Variants in WWOX observed in about 807,000 individuals in gnomAD.
WWOX encodes WW domain containing oxidoreductase, also known as WW domain-containing oxidoreductase.
In WWOX, 69 loss-of-function variants were observed where a neutral mutation model predicts 46.2. That is an observed-to-expected ratio of 1.49 (90% CI 1.23 to 1.82). The LOEUF (loss-of-function observed/expected upper bound fraction) is 1.82. Among genes scored for constraint, WWOX ranks in the 40% most tolerant of loss-of-function variants. The pLI is 0.00. For synonymous variants in WWOX, 359 were observed against 202.6 expected (o/e 1.77, Z -6.56); for missense variants, 919 against 542.6 (o/e 1.69, Z -6.89).
intron 6 of WWOX, among the ~76,000 whole-genome samples, chr16:78,418,867 C>T (rs917948064): frequency 3.3e-5 from 5 of 151,878 alleles, no homozygotes; most frequent in Admixed American, 2.6e-4. Context: ...GAGTACCGTC[C>T]CCTTAGGATC....
chr16:78,987,446 TC>T (rs1295001660), intron 8 of WWOX, among the ~76,000 whole-genome samples: 4 of 152,374 alleles, frequency 2.6e-5, no homozygotes, highest in Non-Finnish European at 4.4e-5. Flanking sequence ...TGTCCTTTTT[TC>T]TTTTTTCTAG....
rs927341847 is a variant in WWOX at position 79,050,504 on chromosome 16, C to T, written c.1057-161104C>T. ...ATTCCTCTGTCACACACTGATGCCC[C>T]AAATAAATCACATGGCTGAGCTCAC... On this transcript the variant is annotated intron_variant, in intron 8 of 8. Coordinates refer to ENST00000566780, the MANE Select transcript of WWOX (RefSeq NM_016373.4). Among the ~76,000 whole-genome samples, 3 of 152,166 alleles carry T rather than the reference C, an allele frequency of 2.0e-5. No individual in the cohort carries two copies. In the South Asian group the frequency reaches 6.2e-4, roughly 32 times the overall value.
At chr16:78,671,905 C>T (rs2047473879) in intron 8 of WWOX, among the ~76,000 whole-genome samples, 1 of 152,148 alleles carries the variant, frequency 6.6e-6, no homozygotes, top group Admixed American at 6.5e-5. Flanking sequence ...AGGCACTACT[C>T]ACTTCATTCC....
At chr16:79,045,431 G>A (rs971137720) in intron 8 of WWOX, among the ~76,000 whole-genome samples, 3 of 152,178 alleles carry the variant, frequency 2.0e-5, no homozygotes, top group Admixed American at 1.3e-4. Flanking sequence ...ATCTGCGTGG[G>A]TGAGAGGATA....
intron 8 of WWOX, among the ~76,000 whole-genome samples, chr16:78,668,625 A>G (rs1213530539): frequency 6.6e-6 from 1 of 152,162 alleles, no homozygotes; most frequent in South Asian, 2.1e-4. Context: ...GAACAGGTGA[A>G]GGAGTGACAG....
intron 8 of WWOX, among the ~76,000 whole-genome samples, chr16:79,046,635 C>T (rs1396029436): frequency 6.6e-6 from 1 of 152,130 alleles, no homozygotes; most frequent in Admixed American, 6.5e-5. Context: ...CTTTCTGTCT[C>T]ACCAGGAGGA....
intron 8 of WWOX, among the ~76,000 whole-genome samples, chr16:78,561,947 A>AG (rs2044448810): frequency 6.8e-6 from 1 of 147,682 alleles, no homozygotes; most frequent in African/African-American, 2.6e-5. Flanking sequence ...TAAAAGTAAC[A>AG]GGAAAAAGCG....
At chr16:78,348,650 C>G (rs1185639389) in intron 5 of WWOX, among the ~76,000 whole-genome samples, 1 of 118,838 alleles carries the variant, frequency 8.4e-6, no homozygotes, top group African/African-American at 2.9e-5. Flanking sequence ...TAGAGACGGG[C>G]TTTCCCCATG....
Position 78,567,733 on chromosome 16 carries a change from CTG to C in WWOX, c.1056+134984_1056+134985del, listed in dbSNP as rs567784773. Among the ~76,000 whole-genome samples, 366 of 152,170 alleles carry C rather than the reference CTG, an allele frequency of 2.4e-3. 3 individuals are homozygous for C. The highest frequency in any genetic ancestry group is 2.9e-3 in the Non-Finnish European group (196 of 68,000). On this transcript the variant is annotated intron_variant, in intron 8 of 8. Coordinates refer to ENST00000566780, the MANE Select transcript of WWOX (RefSeq NM_016373.4). ...GAGTTCCAGCTCATCCACCCTGCCTCTGTGGCTGAGTCGGGGAGAAAAGGACA... is the reference window on the plus strand; with the variant it reads ...GAGTTCCAGCTCATCCACCCTGCCTCTGGCTGAGTCGGGGAGAAAAGGACA...
At chr16:78,514,422 A>T (rs1006791863) in intron 8 of WWOX, among the ~76,000 whole-genome samples, 4 of 152,208 alleles carry the variant, frequency 2.6e-5, no homozygotes, top group African/African-American at 7.2e-5. Flanking sequence ...AGTTTGCTTG[A>T]CAAAGGATAG....
At chr16:79,180,442 C>T (rs369657876) in intron 8 of WWOX, among the ~76,000 whole-genome samples, 2 of 152,102 alleles carry the variant, frequency 1.3e-5, no homozygotes, top group Non-Finnish European at 2.9e-5. Context: ...ATAAAATGGA[C>T]ATAAAGCCTG....
intron 6 of WWOX, among the ~76,000 whole-genome samples, chr16:78,413,869 C>T (rs946106326): frequency 6.6e-6 from 1 of 151,866 alleles, no homozygotes; most frequent in Non-Finnish European, 1.5e-5. Flanking sequence ...CCCCTGTAAT[C>T]CCAGTACTTT....
rs544921974 is a variant in WWOX, at chr16:79,055,621, A to G, written c.1057-155987A>G. 6.3e-3 allele frequency among the ~76,000 whole-genome samples: 962 copies of G among 152,306 alleles called. 6 individuals carry two copies. The highest frequency in any genetic ancestry group is 9.1e-3 in the Non-Finnish European group (616 of 68,030). ...AAACTGAAGATTCATGGGCAGAATAAACAATTGCTATTTTTTAAAGGTGTA... is the reference window on the plus strand; with the variant it reads ...AAACTGAAGATTCATGGGCAGAATAGACAATTGCTATTTTTTAAAGGTGTA... On this transcript the variant is annotated intron_variant, in intron 8 of 8. Transcript: ENST00000566780.
intron 8 of WWOX, among the ~76,000 whole-genome samples, chr16:78,546,327 G>A (rs1293927898): frequency 6.6e-6 from 1 of 152,138 alleles, no homozygotes; most frequent in Admixed American, 6.5e-5. Context: ...AGGAGGTAGA[G>A]AAAACAGTAG....
chr16:78,735,459 C>G (rs921103242), intron 8 of WWOX, among the ~76,000 whole-genome samples: 6 of 151,278 alleles, frequency 4.0e-5, no homozygotes, highest in Non-Finnish European at 7.4e-5. Flanking sequence ...AGAACCCTGA[C>G]TAATACAGAG....
chr16:78,893,339 C>G (rs919485886), intron 8 of WWOX, among the ~76,000 whole-genome samples: 14 of 152,312 alleles, frequency 9.2e-5, no homozygotes, highest in African/African-American at 3.1e-4. Flanking sequence ...CGCCTGTCCC[C>G]TCTCACATGG....
chr16:78,295,840 G>T (rs915135099), intron 5 of WWOX, among the ~76,000 whole-genome samples: 2 of 152,186 alleles, frequency 1.3e-5, no homozygotes, highest in African/African-American at 4.8e-5. Flanking sequence ...TTTTATTTTC[G>T]AACTTCTGGA....
chr16:78,465,854 T>C (rs1239390875), intron 8 of WWOX, among the ~76,000 whole-genome samples: 1 of 152,212 alleles, frequency 6.6e-6, no homozygotes, highest in Non-Finnish European at 1.5e-5. Flanking sequence ...GCTTGACTTA[T>C]TTTTAAATTA....
At chr16:78,980,765 T>C (rs747848616) in intron 8 of WWOX, among the ~76,000 whole-genome samples, 67 of 152,298 alleles carry the variant, frequency 4.4e-4, no homozygotes, top group Middle Eastern at 3.4e-3. Context: ...ACTTTTTGAA[T>C]AAGTATTTTG....
Sources: gnomAD v4.1 joint callset for allele counts (sites outside exome capture counted in the v4.1 genomes callset) on GRCh38, gnomAD v4.1.1 for gene constraint, MANE v1.5 for transcripts, NCBI Gene and HGNC (gene_info 2026-07-23, HGNC 2026-07-21) for gene names.